RTN2: variants seen among roughly 807,000 people sequenced by gnomAD.
The protein encoded by RTN2 is reticulon 2, also known as reticulon-2.
RTN2 carries 36 observed loss-of-function variants against 63.7 expected under a neutral mutation model. That is an observed-to-expected ratio of 0.56 (90% CI 0.43 to 0.75). The LOEUF (loss-of-function observed/expected upper bound fraction) is 0.75. Among genes scored for constraint, RTN2 ranks in the 30% least tolerant of loss-of-function variants. The pLI is 0.00. For missense variants in RTN2, 673 were observed against 705.1 expected (o/e 0.95, Z 0.52); for synonymous variants, 312 against 313.0 (o/e 1.00, Z 0.03).
In RTN2 at chr19:45,493,244, G is replaced by T; in HGVS notation, c.949C>A (p.Leu317Ile). The T allele has an allele frequency of 6.2e-7, 1 of 1,613,848 alleles. No homozygotes were observed. The highest frequency in any genetic ancestry group is 8.5e-7 in the Non-Finnish European group (1 of 1,180,006). ...QRGPTPPTPV[L>I]RVLLKWAKSP... ...TTTGCCCACTTCAGTAGAACCCGGA[G>T]GACAGGAGTAGGGGGGGTGGGGCCC... The change falls in exon 5 of 11, where the codon CTC becomes ATC. Residue 317 changes from leucine to isoleucine, a missense_variant. By Grantham distance (5) the Leu-to-Ile change is conservative. Coordinates refer to ENST00000245923, the MANE Select transcript of RTN2 (RefSeq NM_005619.5).
At chr19:45,496,700 G>C in intron 1 of RTN2, 92 bp downstream of exon 1, 1 of 850,470 alleles carries the variant, frequency 1.2e-6, no homozygotes, top group South Asian at 2.7e-5. Context: ...CCCCATCCCG[G>C]CTCTCCTGCG....
chr19:45,486,012 C>T (rs770133247), intron 10 of RTN2, 43 bp downstream of exon 10: 9 of 1,587,230 alleles, frequency 5.7e-6, no homozygotes, highest in Non-Finnish European at 7.8e-6. Context: ...TTCCCAAGCT[C>T]CCCCACTTCC....
At chr19:45,490,979 C>A (rs374430344) in intron 5 of RTN2, among the ~76,000 whole-genome samples, 27 of 150,200 alleles carry the variant, frequency 1.8e-4, no homozygotes, top group African/African-American at 6.6e-4. Flanking sequence ...CTCCACCTCC[C>A]GGGTTCAAGC....
intron 8 of RTN2, 38 bp downstream of exon 8, chr19:45,488,599 C>G (rs1968079313): frequency 1.9e-6 from 3 of 1,613,532 alleles, no homozygotes; most frequent in Middle Eastern, 1.6e-4. Context: ...CACCAGACTC[C>G]AAGTCCCCAT....
At position 45,489,528 on chromosome 19, in the gene RTN2, G is replaced by A; in HGVS notation, c.1059C>T (p.Asp353=). 1 of 1,606,388 alleles carries A rather than the reference G, an allele frequency of 6.2e-7. No individual in the cohort carries two copies. Reference sequence around the variant, plus strand: ...TGAAGACCACTCCTGACGTCCTCGTGTCCTTCCAGTACAGCAGGTCCGCCA... The same window carrying A: ...TGAAGACCACTCCTGACGTCCTCGTATCCTTCCAGTACAGCAGGTCCGCCA... ...SKVADLLYWK[D]TRTSGVVFTG... The change falls in exon 6 of 11, where the codon GAC becomes GAT. Residue 353 remains aspartate (D), a synonymous_variant. Coordinates refer to ENST00000245923, the MANE Select transcript of RTN2 (RefSeq NM_005619.5).
intron 5 of RTN2, among the ~76,000 whole-genome samples, chr19:45,492,829 GC>G (rs1458065259): frequency 1.3e-5 from 2 of 152,180 alleles, no homozygotes; most frequent in Admixed American, 6.5e-5. Flanking sequence ...GTCGCCTGAG[GC>G]GGGGGCTAAG....
intron 5 of RTN2, among the ~76,000 whole-genome samples, chr19:45,491,625 G>A (rs1046210913): frequency 4.0e-5 from 6 of 150,512 alleles, no homozygotes; most frequent in South Asian, 2.1e-4. Context: ...TCTGCCTCCC[G>A]GGTTCACGCC....
chr19:45,494,080 T>C lies in RTN2; in HGVS notation c.814+86A>G, dbSNP rs554169801. On this transcript the variant is annotated intron_variant, in intron 4 of 10. Coordinates refer to ENST00000245923, the MANE Select transcript of RTN2 (RefSeq NM_005619.5). The surrounding 1 kb of genome is among the most constrained non-coding windows in gnomAD (Gnocchi z 5.3). ...TCCCTTTTCCACTATGTACTGTTCC[T>C]TTGCGAGGTTGGTCCCTTTAATTCA... 29 of 1,542,732 alleles carry C rather than the reference T, an allele frequency of 1.9e-5. No individual in the cohort carries two copies. In the African/African-American group the frequency reaches 3.0e-4, roughly 16 times the overall value.
At chr19:45,488,186 G>C (rs1174727797) in intron 9 of RTN2, among the ~76,000 whole-genome samples, 1 of 152,108 alleles carries the variant, frequency 6.6e-6, no homozygotes. Context: ...CCAGGAAACG[G>C]AGGTTGCAGT....
intron 9 of RTN2, 109 bp from the exon 10 acceptor site, chr19:45,486,222 G>A (rs1283034188): frequency 3.4e-6 from 3 of 874,394 alleles, no homozygotes; most frequent in Non-Finnish European, 5.6e-6. Context: ...TGTGAAGAGT[G>A]GCCCACCACG....
chr19:45,495,039 A>G, intron 2 of RTN2, 34 bp from the exon 3 acceptor site: 1 of 1,614,108 alleles, frequency 6.2e-7, no homozygotes, highest in Non-Finnish European at 8.5e-7. Context: ...TGTTTCCCTC[A>G]GCAGGTCCCT....
chr19:45,493,369 A>G lies in RTN2; in HGVS notation c.824T>C (p.Met275Thr), dbSNP rs757723983. ...TVEPRLLGTA[M>T]EWLKTSLLLA... is the part of the protein sequence containing the mutation. ...AAGCAATGATGTCTTTAACCATTCC[A>G]TAGCTGTTCCTGGAGGCGGAGCATA... Residue 275 changes from methionine to threonine, a missense_variant, in exon 5 of 11, where the codon ATG becomes ACG. Physicochemically the swap from Met to Thr is moderately conservative, Grantham distance 81. Coordinates refer to ENST00000245923, the MANE Select transcript of RTN2 (RefSeq NM_005619.5). The G allele has an allele frequency of 3.7e-6, 6 of 1,607,060 alleles. No homozygotes were observed. In the South Asian group the frequency reaches 4.4e-5, roughly 12 times the overall value.
At chr19:45,487,041 T>TG (rs1483103328) in intron 9 of RTN2, among the ~76,000 whole-genome samples, 6 of 125,126 alleles carry the variant, frequency 4.8e-5, no homozygotes, top group African/African-American at 1.8e-4. Flanking sequence ...CCTTTTTTTT[T>TG]TTTTTTTTTT....
chr19:45,489,676 CTT>C (rs200770145), intron 5 of RTN2, 123 bp from the exon 6 acceptor site: 22,464 of 483,684 alleles, frequency 0.046, no homozygotes, highest in South Asian at 0.064. Context: ...ACCTGATTTC[CTT>C]TTTTTTTTTT....
chr19:45,492,142 T>C (rs971883132), intron 5 of RTN2, among the ~76,000 whole-genome samples: 3 of 152,156 alleles, frequency 2.0e-5, no homozygotes, highest in Non-Finnish European at 4.4e-5. Flanking sequence ...CCTAAATGTA[T>C]TAATCACGCC....
At chr19:45,487,971 G>A (rs1270135630) in intron 9 of RTN2, among the ~76,000 whole-genome samples, 3 of 139,892 alleles carry the variant, frequency 2.1e-5, no homozygotes, top group East Asian at 2.1e-4. Context: ...AGGCAGCAAA[G>A]GCTAGGCACA....
Position 45,493,254 on chromosome 19 carries a change from AG to A in RTN2, c.938del (p.Pro313LeufsTer9), listed in dbSNP as rs748397131. ...IGWVQRGPTP[P>X]TPVLRVLLKW... ...TCAGTAGAACCCGGAGGACAGGAGT[AG>A]GGGGGGTGGGGCCCCTTTGGACCCA... On this transcript the variant is annotated frameshift_variant, in exon 5 of 11. Coordinates refer to ENST00000245923, the MANE Select transcript of RTN2 (RefSeq NM_005619.5). LOFTEE classifies it high-confidence loss of function. The A allele has an allele frequency of 1.3e-5, 21 of 1,613,190 alleles. No homozygotes were observed. Among genetic ancestry groups the A allele is most frequent in the Middle Eastern group, 1.7e-4 (1 of 6,056 alleles).
chr19:45,485,768 C>A lies in RTN2; in HGVS notation c.1578G>T (p.Gly526=). ...CTGCTGCAGAGGCCAGGGCTCCGGT[C>A]CCTGGGATTTTAGCTCGGATCCTGA... ...IKAKIRAKIP[G]TGALASAAAA... The change falls in exon 11 of 11, where the codon GGG becomes GGT. Residue 526 remains glycine (G), a synonymous_variant. Transcript: ENST00000245923. 1 of 1,613,978 alleles carries A rather than the reference C, an allele frequency of 6.2e-7. No individual in the cohort carries two copies.
rs1321172991 is a variant in RTN2 at position 45,494,631 on chromosome 19, G to T, written c.454C>A (p.Arg152=). ...GAGTCCTCCCCGGATCCCGTTCCCCGGGCCACCCAGCCCAGATGGTCCAAC... is the reference window on the plus strand; with the variant it reads ...GAGTCCTCCCCGGATCCCGTTCCCCTGGCCACCCAGCCCAGATGGTCCAAC... ...LRLDHLGWVA[R]GTGSGEDSST... Residue 152 remains arginine (R), a synonymous_variant, in exon 3 of 11, where the codon CGG becomes AGG. Coordinates refer to ENST00000245923, the MANE Select transcript of RTN2 (RefSeq NM_005619.5). The surrounding 1 kb of genome is among the most constrained non-coding windows in gnomAD (Gnocchi z 5.3). 3 of 1,613,836 alleles carry T rather than the reference G, an allele frequency of 1.9e-6. No individual in the cohort carries two copies. The South Asian group carries it at 3.3e-5, about 18-fold the overall frequency.
Sources: allele counts gnomAD v4.1 joint callset (sites outside exome capture counted in the v4.1 genomes callset), GRCh38; gene constraint gnomAD v4.1.1; non-coding constraint Gnocchi (gnomAD v3.1); transcripts MANE v1.5; gene names NCBI Gene and HGNC (gene_info 2026-07-23, HGNC 2026-07-21).